The following ADAMTS6 variants were observed in gnomAD, a reference collection of about 807,000 sequenced individuals.
ADAMTS6 encodes A disintegrin and metalloproteinase with thrombospondin motifs 6.
A neutral mutation model predicts 144.3 loss-of-function variants in ADAMTS6; 23 were observed. The ratio of observed to expected loss-of-function variants is 0.16; its 90% CI spans 0.11 to 0.23. The LOEUF is 0.23. Ranked by LOEUF, ADAMTS6 falls within the 10% of genes least tolerant of loss-of-function variation. The pLI is 1.00. For missense variants in ADAMTS6, 999 were observed against 1,379.6 expected, an observed-to-expected ratio of 0.72 and a Z score of 4.37; for synonymous variants, 444 against 457.5, an observed-to-expected ratio of 0.97 and a Z score of 0.38.
At chr5:65,284,065 G>A (rs1266666093) in intron 11 of ADAMTS6, among the ~76,000 whole-genome samples, 1 of 152,058 alleles carries the variant, frequency 6.6e-6, no homozygotes, top group Non-Finnish European at 1.5e-5. Context: ...TAGGTGGCCA[G>A]TGATATCCCC....
chr5:65,411,460 T>G (rs1335786365), intron 7 of ADAMTS6, among the ~76,000 whole-genome samples: 1 of 152,202 alleles, frequency 6.6e-6, no homozygotes, highest in Non-Finnish European at 1.5e-5. Context: ...GAGCCAAATT[T>G]CTATAAATGA....
chr5:65,216,611 G>A (rs569323023), intron 18 of ADAMTS6, among the ~76,000 whole-genome samples: 1 of 151,904 alleles, frequency 6.6e-6, no homozygotes, highest in South Asian at 2.1e-4. Context: ...ATGCCAGATG[G>A]GTAAATATTT....
chr5:65,443,622 CAAAAAAAAAAA>C (rs59240974), intron 7 of ADAMTS6, among the ~76,000 whole-genome samples: 3 of 69,122 alleles, frequency 4.3e-5, no homozygotes, highest in African/African-American at 6.2e-5. Context: ...GACCCTGTCT[CAAAAAAAAAAA>C]AAAAAAAAAA....
intron 24 of ADAMTS6, among the ~76,000 whole-genome samples, chr5:65,168,442 G>A (rs1237079113): frequency 6.9e-6 from 1 of 145,300 alleles, no homozygotes; most frequent in Non-Finnish European, 1.5e-5. Flanking sequence ...TCAATATCGT[G>A]AAAATGGCCA....
chr5:65,270,356 A>G (rs1435162712), intron 12 of ADAMTS6, among the ~76,000 whole-genome samples: 1 of 152,250 alleles, frequency 6.6e-6, no homozygotes, highest in Non-Finnish European at 1.5e-5. Flanking sequence ...TTAAGGAGAA[A>G]AAAATAACAA....
At chr5:65,189,166 T>G (rs1035963482) in intron 21 of ADAMTS6, among the ~76,000 whole-genome samples, 5 of 152,248 alleles carry the variant, frequency 3.3e-5, no homozygotes, top group African/African-American at 1.2e-4. Context: ...CATTTGTAGG[T>G]ATACTACACC....
chr5:65,337,861 G>A (rs865940561), intron 7 of ADAMTS6, among the ~76,000 whole-genome samples: 2 of 152,082 alleles, frequency 1.3e-5, no homozygotes, highest in South Asian at 2.1e-4. Flanking sequence ...AAGGAGTCTC[G>A]CTTTATCCCA....
chr5:65,255,260 T>C (rs59904244), intron 14 of ADAMTS6, among the ~76,000 whole-genome samples: 11,142 of 151,890 alleles, frequency 0.073, 461 homozygotes, highest in Middle Eastern at 0.096. Context: ...TTGAAGAAAT[T>C]TTTTTTTAAT....
At chr5:65,426,050 C>CTT (rs765045274) in intron 7 of ADAMTS6, among the ~76,000 whole-genome samples, 56 of 143,510 alleles carry the variant, frequency 3.9e-4, no homozygotes, top group Non-Finnish European at 6.9e-4. Flanking sequence ...CGCACACAGA[C>CTT]TTTTTTTTTT....
chr5:65,245,172 C>T (rs1483800457), intron 14 of ADAMTS6, among the ~76,000 whole-genome samples: 1 of 152,144 alleles, frequency 6.6e-6, no homozygotes, highest in Non-Finnish European at 1.5e-5. Flanking sequence ...ACGCAGGTGT[C>T]CTTACACTCA....
At chr5:65,226,463 T>G (rs1293854425) in intron 15 of ADAMTS6, among the ~76,000 whole-genome samples, 1 of 151,674 alleles carries the variant, frequency 6.6e-6, no homozygotes, top group Admixed American at 6.6e-5. Context: ...ATTATTTATT[T>G]ATAACATAAT....
chr5:65,223,613 A>T (rs142118154), intron 18 of ADAMTS6, among the ~76,000 whole-genome samples: 113 of 152,266 alleles, frequency 7.4e-4, no homozygotes, highest in African/African-American at 2.7e-3. Context: ...CTCCAGGTTC[A>T]TCCATATTGT....
In ADAMTS6 at chr5:65,426,231, T is replaced by A. The variant is rs202099772; in HGVS notation, c.1073+25244A>T. The stretch of plus-strand genomic sequence containing the variant: ...CTGGCTAATTTTTTTTTTTTTTTTT[T>A]AATTTTTAGTAGAGACAGGATTTTG... On this transcript the variant is annotated intron_variant, in intron 7 of 24. Transcript: ENST00000381055. Among the ~76,000 whole-genome samples, 229 of 136,070 alleles carry A rather than the reference T, an allele frequency of 1.7e-3. No individual in the cohort carries two copies. In the East Asian group the frequency reaches 0.017, roughly 10 times the overall value. The allele number at this position is 136,070 out of a possible 152,430, so 89.3% of individuals were successfully genotyped here. A position where few individuals can be genotyped will look rare whatever the true frequency, so the allele number is the denominator to read the frequency against.
At chr5:65,421,647 A>T (rs1756051762) in intron 7 of ADAMTS6, among the ~76,000 whole-genome samples, 1 of 152,242 alleles carries the variant, frequency 6.6e-6, no homozygotes, top group Admixed American at 6.5e-5. Context: ...AGATATGTAG[A>T]CCAATGGAAC....
At chr5:65,323,754 T>C (rs1745883119) in intron 9 of ADAMTS6, among the ~76,000 whole-genome samples, 1 of 152,186 alleles carries the variant, frequency 6.6e-6, no homozygotes, top group Non-Finnish European at 1.5e-5. Context: ...AGTGTTCCTA[T>C]TTCTCCACAT....
In ADAMTS6 at chr5:65,273,291, T is replaced by C. The variant is rs530486907; in HGVS notation, c.1620+49A>G. ...GTGGTTGAATATCAGTACCAGCAAT[T>C]TATCACTTTTGTATACATGTCAAAC... On this transcript the variant is annotated intron_variant, in intron 12 of 24. Transcript: ENST00000381055. The C allele has an allele frequency of 6.6e-6, 10 of 1,506,492 alleles. No individual in the cohort carries two copies. In the East Asian group the frequency reaches 2.3e-4, roughly 34 times the overall value. The allele number at this position is 1,506,492 out of a possible 1,614,324, so 93.3% of individuals were successfully genotyped here. A position where few individuals can be genotyped will look rare whatever the true frequency, so the allele number is the denominator to read the frequency against.
chr5:65,389,413 T>C (rs2150145832), intron 7 of ADAMTS6, among the ~76,000 whole-genome samples: 1 of 152,304 alleles, frequency 6.6e-6, no homozygotes, highest in Middle Eastern at 3.4e-3. Context: ...TAACACCTAT[T>C]GGTTTTGTAC....
At chr5:65,423,272 C>CTAT (rs1756227199) in intron 7 of ADAMTS6, among the ~76,000 whole-genome samples, 1 of 152,148 alleles carries the variant, frequency 6.6e-6, no homozygotes, top group Non-Finnish European at 1.5e-5. Flanking sequence ...CATCCCTATA[C>CTAT]AGTTCATCCA....
chr5:65,255,099 T>C (rs896375757), intron 14 of ADAMTS6, among the ~76,000 whole-genome samples: 5 of 152,288 alleles, frequency 3.3e-5, no homozygotes, highest in Middle Eastern at 3.4e-3. Context: ...AGAAGTTCGA[T>C]ATTTTGCTTA....
Sources: gnomAD v4.1 joint callset for allele counts (sites outside exome capture counted in the v4.1 genomes callset) on GRCh38, gnomAD v4.1.1 for gene constraint, MANE v1.5 for transcripts, NCBI Gene and HGNC (gene_info 2026-07-23, HGNC 2026-07-21) for gene names.